Variants in MBOAT1 observed in about 807,000 individuals in gnomAD.
MBOAT1 encodes the protein membrane-bound glycerophospholipid O-acyltransferase 1.
MBOAT1 carries 67 observed loss-of-function variants against 64.4 expected under a neutral mutation model. The observed-to-expected ratio is 1.04, with a 90% CI of 0.85 to 1.27. The LOEUF is 1.27. MBOAT1 is among the 50% of genes most tolerant of loss of function. MBOAT1 has a pLI of 0.00. For synonymous variants in MBOAT1, 229 were observed against 218.9 expected (o/e 1.05, Z -0.41); for missense variants, 563 against 604.6 (o/e 0.93, Z 0.72).
intron 1 of MBOAT1, among the ~76,000 whole-genome samples, chr6:20,184,435 T>G (rs1027134655): frequency 6.6e-6 from 1 of 152,076 alleles, no homozygotes; most frequent in Non-Finnish European, 1.5e-5. Flanking sequence ...TAGCCCACAC[T>G]GGCAGACAGG....
chr6:20,209,966 C>G (rs945405106), intron 1 of MBOAT1, among the ~76,000 whole-genome samples: 1 of 152,230 alleles, frequency 6.6e-6, no homozygotes, highest in African/African-American at 2.4e-5. Flanking sequence ...ACTTTCCCCT[C>G]CAGCTGCCCC....
intron 5 of MBOAT1, among the ~76,000 whole-genome samples, chr6:20,130,476 C>T (rs1238318673): frequency 6.6e-6 from 1 of 152,218 alleles, no homozygotes; most frequent in East Asian, 1.9e-4. Flanking sequence ...GCCTCAGCCT[C>T]CTAAGTTGCT....
rs1761489398 is a variant in MBOAT1, at chr6:20,151,397, T to C, written c.246-135A>G. On this transcript the variant is annotated intron_variant, in intron 2 of 12. Coordinates refer to ENST00000324607, the MANE Select transcript of MBOAT1 (RefSeq NM_001080480.3). Reference sequence around the variant, plus strand: ...ATCAATGATCAGTAACTCATGTTTATGTGAGAGAAAATAAGCCAAATATTT... The same window carrying C: ...ATCAATGATCAGTAACTCATGTTTACGTGAGAGAAAATAAGCCAAATATTT... The C allele has an allele frequency of 3.9e-5, 23 of 593,018 alleles. No homozygotes were observed. The South Asian group carries it at 5.2e-4, about 13-fold the overall frequency. The allele number at this position is 593,018 out of a possible 1,614,324, so 36.7% of individuals were successfully genotyped here.
intron 3 of MBOAT1, among the ~76,000 whole-genome samples, chr6:20,145,600 T>C (rs963895522): frequency 1.3e-5 from 2 of 152,236 alleles, no homozygotes; most frequent in Non-Finnish European, 2.9e-5. Flanking sequence ...TTGCAACCCC[T>C]GAACACAGCA....
intron 1 of MBOAT1, among the ~76,000 whole-genome samples, chr6:20,200,709 T>A (rs1386768273): frequency 6.6e-6 from 1 of 152,120 alleles, no homozygotes; most frequent in Non-Finnish European, 1.5e-5. Context: ...TCCTGGGGAA[T>A]GTGAGCAGAG....
intron 1 of MBOAT1, among the ~76,000 whole-genome samples, chr6:20,181,887 G>A (rs1393369622): frequency 6.6e-6 from 1 of 152,194 alleles, no homozygotes; most frequent in Non-Finnish European, 1.5e-5. Flanking sequence ...ATTTAAGGAA[G>A]GGCTACCAGC....
At chr6:20,169,607 T>C (rs1581440749) in intron 1 of MBOAT1, among the ~76,000 whole-genome samples, 1 of 146,350 alleles carries the variant, frequency 6.8e-6, no homozygotes, top group Non-Finnish European at 1.5e-5. Flanking sequence ...AATTCTCCGT[T>C]AAAAAAAAAA....
chr6:20,135,632 G>A (rs1212861947), intron 4 of MBOAT1, among the ~76,000 whole-genome samples: 2 of 152,202 alleles, frequency 1.3e-5, no homozygotes, highest in Admixed American at 6.5e-5. Flanking sequence ...GGTTATTGGT[G>A]TCGGAAGAGC....
At chr6:20,106,597 T>C (rs1354385072) in intron 12 of MBOAT1, among the ~76,000 whole-genome samples, 2 of 152,130 alleles carry the variant, frequency 1.3e-5, no homozygotes, top group Non-Finnish European at 2.9e-5. Flanking sequence ...TACTTTTTTG[T>C]ATAATTAGTA....
At chr6:20,102,662 AC>A (rs964508516) in intron 12 of MBOAT1, among the ~76,000 whole-genome samples, 5 of 152,174 alleles carry the variant, frequency 3.3e-5, no homozygotes, top group Non-Finnish European at 1.5e-5. Flanking sequence ...TACACACGGT[AC>A]CGTCCCATTG....
At chr6:20,179,629 C>T (rs1013501463) in intron 1 of MBOAT1, among the ~76,000 whole-genome samples, 1 of 152,134 alleles carries the variant, frequency 6.6e-6, no homozygotes, top group Non-Finnish European at 1.5e-5. Context: ...TGAACATATG[C>T]ATGCATGTAT....
At chr6:20,205,067 T>G (rs1175607511) in intron 1 of MBOAT1, among the ~76,000 whole-genome samples, 1 of 152,014 alleles carries the variant, frequency 6.6e-6, no homozygotes, top group African/African-American at 2.4e-5. Flanking sequence ...GGTGGGGTGG[T>G]ATGCACCTTT....
intron 1 of MBOAT1, among the ~76,000 whole-genome samples, chr6:20,185,678 G>A (rs1762631464): frequency 6.6e-6 from 1 of 152,136 alleles, no homozygotes; most frequent in Admixed American, 6.6e-5. Context: ...CTTAAGCCTA[G>A]CACCCATGAC....
intron 1 of MBOAT1, among the ~76,000 whole-genome samples, chr6:20,165,568 C>T (rs970224896): frequency 6.6e-6 from 1 of 151,952 alleles, no homozygotes; most frequent in African/African-American, 2.4e-5. Flanking sequence ...TATGGTGAAA[C>T]CCCATCTCTA....
chr6:20,205,990 C>T (rs1420382311), intron 1 of MBOAT1, among the ~76,000 whole-genome samples: 1 of 152,214 alleles, frequency 6.6e-6, no homozygotes, highest in Admixed American at 6.5e-5. Flanking sequence ...CATCCACGTG[C>T]TGCCCCTAAC....
intron 1 of MBOAT1, among the ~76,000 whole-genome samples, chr6:20,197,966 C>G (rs1000346885): frequency 3.3e-5 from 5 of 152,134 alleles, no homozygotes; most frequent in Non-Finnish European, 7.4e-5. Flanking sequence ...GTGGCTCACA[C>G]CTGTAATCCA....
intron 1 of MBOAT1, among the ~76,000 whole-genome samples, chr6:20,200,613 A>T (rs6911788): frequency 0.16 from 24,528 of 152,014 alleles, 2,287 homozygotes; most frequent in African/African-American, 0.25. Flanking sequence ...GACACTAGAA[A>T]CAAACCCCAA....
At chr6:20,126,886 GCT>G (rs1760670251) in intron 6 of MBOAT1, among the ~76,000 whole-genome samples, 186 bp from the exon 7 acceptor site, 1 of 152,178 alleles carries the variant, frequency 6.6e-6, no homozygotes, top group Non-Finnish European at 1.5e-5. Flanking sequence ...GAAGCAGGGG[GCT>G]CACAGCAGGC....
intron 1 of MBOAT1, among the ~76,000 whole-genome samples, chr6:20,198,226 T>C (rs975912654): frequency 4.9e-5 from 3 of 61,048 alleles, no homozygotes; most frequent in Non-Finnish European, 7.1e-5. Flanking sequence ...AGACTGTGTC[T>C]CAAAAAAAAA....
Sources: gnomAD v4.1 joint callset for allele counts (sites outside exome capture counted in the v4.1 genomes callset) on GRCh38, gnomAD v4.1.1 for gene constraint, MANE v1.5 for transcripts, NCBI Gene and HGNC (gene_info 2026-07-23, HGNC 2026-07-21) for gene names.